Variants in TBX3 observed in about 807,000 individuals in gnomAD.
TBX3 encodes the protein T-box transcription factor 3.
Under a neutral mutation model 47.8 loss-of-function variants are expected in TBX3, and 11 were observed. The ratio of observed to expected loss-of-function variants is 0.23; its 90% CI spans 0.14 to 0.38. The LOEUF (loss-of-function observed/expected upper bound fraction) is 0.38, where lower values mean the gene tolerates loss of function less well. Ranked by LOEUF, TBX3 falls within the 10% of genes least tolerant of loss-of-function variation. The probability of loss-of-function intolerance (pLI) is 1.00; values close to 1 mark genes in which losing one functional copy is unlikely to be tolerated. For synonymous variants in TBX3, 500 were observed against 449.3 expected (o/e 1.11, Z -1.43); for missense variants, 927 against 1,022.8 (o/e 0.91, Z 1.28).
chr12:114,682,869 T>A lies in TBX3; in HGVS notation c.332A>T (p.Glu111Val). 1.2e-6 allele frequency: 2 copies of A among 1,614,092 alleles called. No individual in the cohort carries two copies. Among genetic ancestry groups the A allele is most frequent in the African/African-American group, 2.7e-5 (2 of 75,016 alleles). ...CCGCTTGTGAAACTGATCCCAAAGT[T>A]CTTTAGCCTCCAGGTGCACCTTGGG... ...DDPKVHLEAK[E>V]LWDQFHKRGT... The change falls in exon 1 of 7, where the codon GAA becomes GTA. Residue 111 changes from glutamate to valine, a missense_variant. Physicochemically the swap from Glu to Val is moderately radical, Grantham distance 121. Coordinates refer to ENST00000349155, the MANE Select transcript of TBX3 (RefSeq NM_005996.4).
At chr12:114,673,892 G>GT (rs1868567886) in intron 6 of TBX3, among the ~76,000 whole-genome samples, 1 of 152,224 alleles carries the variant, frequency 6.6e-6, no homozygotes, top group Non-Finnish European at 1.5e-5. Flanking sequence ...ATGCCTGAAA[G>GT]TAAGTGCTGT....
chr12:114,674,463 G>T lies in TBX3; in HGVS notation c.1412C>A (p.Ala471Glu), dbSNP rs575298892. 2.3e-5 allele frequency: 35 copies of T among 1,542,130 alleles called. 1 individual carries two copies. In the East Asian group the frequency reaches 8.4e-4, roughly 37 times the overall value. ...AGGCAGGGGGCCCTGGGCCAGGTGC[G>T]CGGCGGCCGCGTCCGTCTGCACCGT... ...PLTVQTDAAA[A>E]HLAQGPLPGL... is the part of the protein sequence containing the mutation. The change falls in exon 6 of 7, where the codon GCG becomes GAG. Residue 471 changes from alanine (A) to glutamate (E), a missense_variant. Transcript: ENST00000349155.
At chr12:114,679,907 GCCTA>G (rs1442077373) in intron 2 of TBX3, 1 of 1,613,918 alleles carries the variant, frequency 6.2e-7, no homozygotes, top group East Asian at 2.2e-5. Context: ...TTGAACCCTA[GCCTA>G]CCTGAGTACC....
Position 114,676,383 on chromosome 12 carries a change from T to C in TBX3, c.969A>G (p.Gln323=). 6.2e-7 allele frequency: 1 copy of C among 1,614,224 alleles called. No individual in the cohort carries two copies. The highest frequency in any genetic ancestry group is 8.5e-7 in the Non-Finnish European group (1 of 1,180,040). The part of the protein sequence containing the change: ...NGTSDESSSE[Q]AAFNCFAQAS... ...CCTGGGCGAAGCAGTTGAAAGCTGCTTGTTCACTGGAGGACTCATCAGAGG... is the reference window on the plus strand; with the variant it reads ...CCTGGGCGAAGCAGTTGAAAGCTGCCTGTTCACTGGAGGACTCATCAGAGG... Residue 323 remains glutamine, a synonymous_variant, in exon 5 of 7, where the codon CAA becomes CAG. Transcript: ENST00000349155.
At chr12:114,673,589 G>T (rs751460903) in intron 6 of TBX3, among the ~76,000 whole-genome samples, 7 of 152,180 alleles carry the variant, frequency 4.6e-5, no homozygotes, top group African/African-American at 7.2e-5. Context: ...TCCTACTCAG[G>T]AAGTAGTCAC....
chr12:114,679,958 T>A lies in TBX3; in HGVS notation c.658-307A>T, dbSNP rs1393956928. On this transcript the variant is annotated intron_variant, in intron 2 of 6. Transcript: ENST00000349155. ...TCCCCTGCCACGTAGCGTGATCACTTGGGAAGGCCAAAGTCTTAAAAGATA... is the reference window on the plus strand; with the variant it reads ...TCCCCTGCCACGTAGCGTGATCACTAGGGAAGGCCAAAGTCTTAAAAGATA... The A allele has an allele frequency of 1.9e-6, 3 of 1,614,202 alleles. No individual in the cohort carries two copies. The East Asian group carries it at 6.7e-5, about 36-fold the overall frequency.
chr12:114,672,994 C>A (rs1868519279), intron 6 of TBX3, among the ~76,000 whole-genome samples: 1 of 152,200 alleles, frequency 6.6e-6, no homozygotes, highest in Admixed American at 6.5e-5. Context: ...CCGAGGTAGG[C>A]CGCAGGAGTT....
intron 3 of TBX3, among the ~76,000 whole-genome samples, chr12:114,678,861 G>A (rs904155248): frequency 1.3e-5 from 2 of 152,022 alleles, no homozygotes; most frequent in African/African-American, 4.8e-5. Context: ...CAGGCCTGGG[G>A]GAGGGGGGGA....
rs985940696 is a variant in TBX3, at chr12:114,684,042, A to G, written c.-842T>C. 8.7e-6 allele frequency: 2 copies of G among 230,244 alleles called. No homozygotes were observed. The highest frequency in any genetic ancestry group is 1.7e-5 in the Non-Finnish European group (2 of 116,518). The allele number at this position is 230,244 out of a possible 1,614,324, so 14.3% of individuals were successfully genotyped here. A position where few individuals can be genotyped will look rare whatever the true frequency, so the allele number is the denominator to read the frequency against. On this transcript the variant is annotated 5_prime_UTR_variant, in exon 1 of 7. Coordinates refer to ENST00000349155, the MANE Select transcript of TBX3 (RefSeq NM_005996.4). ...GGGCAGGGAGGATTTAGAGGGGGAAAAAATGGAACAGAGGGAAAGAGAGGG... is the reference window on the plus strand; with the variant it reads ...GGGCAGGGAGGATTTAGAGGGGGAAGAAATGGAACAGAGGGAAAGAGAGGG...
At position 114,674,822 on chromosome 12, in the gene TBX3, G is replaced by T. The variant is rs899268368; in HGVS notation, c.1053C>A (p.Ser351Arg). 5.1e-6 allele frequency: 8 copies of T among 1,572,458 alleles called. No homozygotes were observed. The highest frequency in any genetic ancestry group is 6.9e-6 in the Non-Finnish European group (8 of 1,165,500). Residue 351 changes from serine to arginine, a missense_variant, in exon 6 of 7, where the codon AGC (serine) becomes AGA (arginine). By Grantham distance (110) the Ser-to-Arg change is moderately radical (BLOSUM62 -1). Transcript: ENST00000349155. ...CGGCCTCGGCGTCGCTCTCACCCTC[G>T]CTGGGACATAAATCTACCACAGGCG... ...GTSNLKDLCPSEGESDAEAES... is the reference protein window; with the variant it reads ...GTSNLKDLCPREGESDAEAES...
chr12:114,673,408 C>T (rs1244370752), intron 6 of TBX3, among the ~76,000 whole-genome samples: 1 of 152,122 alleles, frequency 6.6e-6, no homozygotes, highest in African/African-American at 2.4e-5. Flanking sequence ...CTGTCTGAGC[C>T]ACACACAGGC....
At position 114,680,710 on chromosome 12, in the gene TBX3, C is replaced by T. The variant is rs1868890529; in HGVS notation, c.657+169G>A. ...ATTTCTTTTAGAACGCCAGGCCTTCCATTATTTGGAGAGAAACACCCCGAA... is the reference window on the plus strand; with the variant it reads ...ATTTCTTTTAGAACGCCAGGCCTTCTATTATTTGGAGAGAAACACCCCGAA... On this transcript the variant is annotated intron_variant, in intron 2 of 6. Coordinates refer to ENST00000349155, the MANE Select transcript of TBX3 (RefSeq NM_005996.4). The T allele has an allele frequency of 1.7e-5, 17 of 986,046 alleles. No individual in the cohort carries two copies. In the East Asian group the frequency reaches 1.8e-4, roughly 10 times the overall value. 61.1% of individuals were successfully genotyped at this position (986,046 alleles called of 1,614,324 possible).
In TBX3 at chr12:114,680,020, G is replaced by GTACT. The variant is rs1565861455; in HGVS notation, c.658-373_658-370dup. 8 of 1,599,552 alleles carry GTACT rather than the reference G, an allele frequency of 5.0e-6. No individual in the cohort carries two copies. In the South Asian group the frequency reaches 7.7e-5, roughly 15 times the overall value. On this transcript the variant is annotated intron_variant, in intron 2 of 6. Transcript: ENST00000349155. ...GCATTTTAATTTACAAAATGATTCA[G>GTACT]TACTTTAAGCGCCCACTAATTGACG...
intron 3 of TBX3, 140 bp from the exon 4 acceptor site, chr12:114,677,796 TAAGGAAACTGTG>T (rs1868770551): frequency 1.3e-6 from 1 of 771,016 alleles, no homozygotes; most frequent in Non-Finnish European, 2.2e-6. Flanking sequence ...AAGGAGATAA[TAAGGAAACTGTG>T]GCAGGGCTTG....
chr12:114,684,078 G>GAA lies in TBX3; in HGVS notation c.-879_-878insTT, dbSNP rs1266267202. 8.6e-6 allele frequency: 2 copies of GAA among 231,518 alleles called. No homozygotes were observed. The highest frequency in any genetic ancestry group is 8.5e-6 in the Non-Finnish European group (1 of 117,262). The allele number at this position is 231,518 out of a possible 1,614,324, so 14.3% of individuals were successfully genotyped here. ...GAGGGAAAGAGAGGGAGGGGAGAGA[G>GAA]AGAGAGAGAGAGAGAGACGGAGTCG... On this transcript the variant is annotated 5_prime_UTR_variant, in exon 1 of 7. Transcript: ENST00000349155.
Position 114,683,209 on chromosome 12 carries a change from G to T in TBX3, c.-9C>A, listed in dbSNP as rs775316255. The stretch of plus-strand genomic sequence containing the variant: ...CTCATGGAGAGGCTCATCCACTCCA[G>T]GCGGGGCGCTGGGCTCCAGCCGGGG... On this transcript the variant is annotated 5_prime_UTR_variant, in exon 1 of 7. In the 5' UTR this introduces an upstream ATG that the reference lacks. Transcript: ENST00000349155. This position sits in a 1 kb window ranked among gnomAD's most constrained non-coding sequence, Gnocchi z 7.7. The T allele has an allele frequency of 2.1e-5, 34 of 1,608,196 alleles. No homozygotes were observed. The highest frequency in any genetic ancestry group is 2.9e-5 in the Non-Finnish European group (34 of 1,176,670).
Position 114,681,038 on chromosome 12 carries a change from G to A in TBX3, c.498C>T (p.His166=), listed in dbSNP as rs1198416349. 2.5e-6 allele frequency: 4 copies of A among 1,613,992 alleles called. No individual in the cohort carries two copies. The highest frequency in any genetic ancestry group is 3.3e-4 in the Middle Eastern group (2 of 6,062). ...IAADDCRYKF[H]NSRWMVAGKA... ...TACCAGCCACCATCCACCGAGAATT[G>A]TGAAATTTATAACGACAGTCATCAG... Residue 166 remains histidine (H), a synonymous_variant, in exon 2 of 7, where the codon CAC becomes CAT. Coordinates refer to ENST00000349155, the MANE Select transcript of TBX3 (RefSeq NM_005996.4).
At chr12:114,676,608 C>A in intron 4 of TBX3, 138 bp from the exon 5 acceptor site, 2 of 1,204,996 alleles carry the variant, frequency 1.7e-6, no homozygotes, top group African/African-American at 3.0e-5. Context: ...TCACTGAAAT[C>A]TGCTTGCCCC....
chr12:114,672,249 C>T lies in TBX3; in HGVS notation c.1764G>A (p.Met588Ile). 1 of 1,575,876 alleles carries T rather than the reference C, an allele frequency of 6.3e-7. No individual in the cohort carries two copies. Among genetic ancestry groups the T allele is most frequent in the Non-Finnish European group, 8.6e-7 (1 of 1,161,642 alleles). ...GSLFPYPYTY[M>I]AAAAAASSAA... ...CAGAGGAGGCGGCCGCCGCTGCGGC[C>T]ATGTACGTGTAGGGGTAAGGGAACA... Residue 588 changes from methionine (M) to isoleucine (I), a missense_variant, in exon 7 of 7, where the codon ATG becomes ATA. By Grantham distance (10) the Met-to-Ile change is conservative. Around this residue, in one of 5 missense-constraint regions of TBX3, gnomAD observed 623 missense variants for 569.0 expected, o/e 1.09. Coordinates refer to ENST00000349155, the MANE Select transcript of TBX3 (RefSeq NM_005996.4).
Sources: allele counts gnomAD v4.1 joint callset (sites outside exome capture counted in the v4.1 genomes callset), GRCh38; gene constraint gnomAD v4.1.1; regional missense constraint gnomAD v4.1.1; non-coding constraint Gnocchi (gnomAD v3.1); transcripts MANE v1.5; gene names NCBI Gene and HGNC (gene_info 2026-07-23, HGNC 2026-07-21).